PP2D1: variants seen among roughly 807,000 people sequenced by gnomAD.
The protein encoded by PP2D1 is protein phosphatase 2C-like domain-containing protein 1.
PP2D1 carries 25 observed loss-of-function variants against 30.2 expected under a neutral mutation model. That is an observed-to-expected ratio of 0.83 (90% CI 0.60 to 1.16). The LOEUF (loss-of-function observed/expected upper bound fraction) is 1.16, where lower values mean the gene tolerates loss of function less well. PP2D1 is among the 50% of genes most tolerant of loss of function. The pLI is 0.00. For missense variants in PP2D1, 760 were observed against 742.4 expected (o/e 1.02, Z -0.28); for synonymous variants, 260 against 258.9 (o/e 1.00, Z -0.04).
chr3:20,009,216 C>G (rs1207469813), intron 1 of PP2D1, among the ~76,000 whole-genome samples: 5 of 152,116 alleles, frequency 3.3e-5, no homozygotes, highest in Admixed American at 6.6e-5. Context: ...AGTCTCAACA[C>G]TTTGGGAGGC....
At chr3:19,984,655 A>G (rs1696998353), downstream of PP2D1, 2 of 158,106 alleles carry the variant, frequency 1.3e-5, no homozygotes, top group African/African-American at 4.8e-5. Context: ...TAGTCAATGC[A>G]CTAACAATTA....
At chr3:19,982,851 C>A (rs934302241), downstream of PP2D1, among the ~76,000 whole-genome samples, 2 of 151,820 alleles carry the variant, frequency 1.3e-5, no homozygotes, top group African/African-American at 4.8e-5. Flanking sequence ...TATGATCTAT[C>A]ACAATTCGGG....
chr3:20,005,791 A>G (rs1434041923), intron 1 of PP2D1, among the ~76,000 whole-genome samples: 1 of 152,234 alleles, frequency 6.6e-6, no homozygotes, highest in Non-Finnish European at 1.5e-5. Flanking sequence ...AAGGATACAA[A>G]GTAGAAAACA....
At chr3:20,004,651 C>T (rs142365592) in intron 1 of PP2D1, among the ~76,000 whole-genome samples, 3 of 152,218 alleles carry the variant, frequency 2.0e-5, no homozygotes, top group East Asian at 1.9e-4. Context: ...TCATTTTATA[C>T]GCCTTCCTAT....
At chr3:19,980,365 C>T (rs4858626), downstream of PP2D1, among the ~76,000 whole-genome samples, 109,378 of 151,876 alleles carry the variant, frequency 0.72, 40,052 homozygotes, top group Non-Finnish European at 0.77. Flanking sequence ...TTTCTGAAAT[C>T]AGAATGTTGC....
chr3:19,985,921 A>G lies in PP2D1; in HGVS notation c.1352T>C (p.Ile451Thr), dbSNP rs530491100. ...TTCCCAAAGTCCATTAGTAGCTACA[A>G]TAAGGAATTGACATAGGTCATCTAT... ...VPIDDLCQFL[I>T]VATNGLWEVL... is the part of the protein sequence containing the mutation. Residue 451 changes from isoleucine to threonine, a missense_variant, in exon 3 of 3, where the codon ATT becomes ACT. Around this residue, in one of 3 missense-constraint regions of PP2D1, gnomAD observed 369 missense variants for 316.2 expected, o/e 1.17. Coordinates refer to ENST00000389050, the MANE Select transcript of PP2D1 (RefSeq NM_001252657.2). 34 of 1,536,446 alleles carry G rather than the reference A, an allele frequency of 2.2e-5. No individual in the cohort carries two copies. Among genetic ancestry groups the G allele is most frequent in the Admixed American group, 5.9e-5 (3 of 51,008 alleles).
downstream of PP2D1, chr3:19,984,089 A>G: frequency 7.2e-6 from 3 of 414,266 alleles, no homozygotes; most frequent in Non-Finnish European, 1.3e-5. Flanking sequence ...ATAATTTCTC[A>G]TCACTAGGAA....
rs552238487 is a variant in PP2D1, at chr3:19,993,812, TC to T, written c.1090+7217del. Among the ~76,000 whole-genome samples the T allele has an allele frequency of 2.1e-3, 322 of 152,226 alleles. 1 individual carries two copies. The highest frequency in any genetic ancestry group is 3.2e-3 in the Non-Finnish European group (219 of 68,020). ...TGGAGTGCAGTAGTGCGATCTCAGC[TC>T]ACTGCAACCTCTACCTCCCAGGTTC... On this transcript the variant is annotated intron_variant, in intron 2 of 2. Coordinates refer to ENST00000389050, the MANE Select transcript of PP2D1 (RefSeq NM_001252657.2).
intron 1 of PP2D1, among the ~76,000 whole-genome samples, chr3:20,011,637 A>G (rs536801164): frequency 4.2e-4 from 64 of 152,114 alleles, no homozygotes; most frequent in Middle Eastern, 3.4e-3. Flanking sequence ...TGTCTCTACT[A>G]AAAATACAAA....
intron 2 of PP2D1, 116 bp from the exon 3 acceptor site, chr3:19,986,298 A>G (rs1697033967): frequency 1.4e-5 from 10 of 720,072 alleles, no homozygotes; most frequent in Non-Finnish European, 1.7e-5. Context: ...AAAGCAGGCT[A>G]TGTAAAAGTA....
downstream of PP2D1, chr3:19,983,907 A>G (rs906592759): frequency 3.4e-6 from 3 of 883,612 alleles, no homozygotes; most frequent in Admixed American, 5.3e-5. Context: ...CCAGCCCAGT[A>G]TGACTTCCAA....
Position 20,012,007 on chromosome 3 carries a change from A to C in PP2D1, c.23+43T>G, listed in dbSNP as rs1311746562. ...AAAAATACTGTAGATATAATTACTC[A>C]TTGGCTATACGTATTATCCAAAAAA... On this transcript the variant is annotated intron_variant, in intron 1 of 2. Coordinates refer to ENST00000389050, the MANE Select transcript of PP2D1 (RefSeq NM_001252657.2). 4.2e-6 allele frequency: 6 copies of C among 1,430,238 alleles called. No homozygotes were observed. The East Asian group carries it at 7.5e-5, about 18-fold the overall frequency. 88.6% of individuals were successfully genotyped at this position (1,430,238 alleles called of 1,614,324 possible).
intron 2 of PP2D1, among the ~76,000 whole-genome samples, chr3:19,990,224 A>G (rs1697099145): frequency 6.6e-6 from 1 of 152,188 alleles, no homozygotes; most frequent in Admixed American, 6.5e-5. Flanking sequence ...GGCTTACTGC[A>G]GCCTTGACCT....
chr3:20,003,395 T>TAA (rs1553641389), intron 1 of PP2D1, among the ~76,000 whole-genome samples: 1 of 150,404 alleles, frequency 6.6e-6, no homozygotes, highest in Non-Finnish European at 1.5e-5. Context: ...TTTTTTTTTT[T>TAA]AAAAAAAAGG....
intron 2 of PP2D1, among the ~76,000 whole-genome samples, chr3:19,987,321 T>G (rs1475790093): frequency 6.6e-6 from 1 of 152,152 alleles, no homozygotes; most frequent in Non-Finnish European, 1.5e-5. Context: ...AAAATTGATT[T>G]TCCCCAAGTT....
rs1041413041 is a variant in PP2D1 at position 19,985,376 on chromosome 3, T to A, written c.*4A>T. ...GTGCTCTGGATAATTGGAACTTTAT[T>A]TTTTTATGTCAGAAGCTGATATTCA... is the stretch of plus-strand genomic sequence containing the variant. On this transcript the variant is annotated 3_prime_UTR_variant, in exon 3 of 3. Transcript: ENST00000389050. 15 of 1,514,762 alleles carry A rather than the reference T, an allele frequency of 9.9e-6. No individual in the cohort carries two copies. In the African/African-American group the frequency reaches 1.8e-4, roughly 18 times the overall value. The allele number at this position is 1,514,762 out of a possible 1,614,324, so 93.8% of individuals were successfully genotyped here. A position where few individuals can be genotyped will look rare whatever the true frequency, so the allele number is the denominator to read the frequency against.
At chr3:19,989,468 A>G (rs1259804599) in intron 2 of PP2D1, among the ~76,000 whole-genome samples, 1 of 152,236 alleles carries the variant, frequency 6.6e-6, no homozygotes, top group Non-Finnish European at 1.5e-5. Flanking sequence ...TGGAAACTAC[A>G]TACATAGTTC....
downstream of PP2D1, among the ~76,000 whole-genome samples, chr3:19,981,601 G>C (rs986643920): frequency 6.8e-6 from 1 of 147,048 alleles, no homozygotes; most frequent in East Asian, 2.0e-4. Flanking sequence ...GTGACAGAGC[G>C]AGACTCCGCC....
intron 1 of PP2D1, among the ~76,000 whole-genome samples, chr3:20,009,812 A>G (rs932074647): frequency 3.9e-5 from 6 of 152,216 alleles, no homozygotes; most frequent in Admixed American, 3.3e-4. Context: ...CTTTATTTGT[A>G]TTTAATTCCA....
Sources: allele counts gnomAD v4.1 joint callset (sites outside exome capture counted in the v4.1 genomes callset), GRCh38; gene constraint gnomAD v4.1.1; regional missense constraint gnomAD v4.1.1; transcripts MANE v1.5; gene names NCBI Gene and HGNC (gene_info 2026-07-23, HGNC 2026-07-21).